Variants in GPC5 observed in about 807,000 individuals in gnomAD.
The protein encoded by GPC5 is glypican 5.
In GPC5, 47 loss-of-function variants were observed where a neutral mutation model predicts 53.9. That is an observed-to-expected ratio of 0.87 (90% CI 0.69 to 1.11). The LOEUF (loss-of-function observed/expected upper bound fraction) is 1.11. Ranked by LOEUF, GPC5 falls within the 50% of genes most tolerant of loss-of-function variation. The pLI, the probability that GPC5 is intolerant of heterozygous loss-of-function variation, is 0.00. For synonymous variants in GPC5, 286 were observed against 263.3 expected (o/e 1.09, Z -0.84); for missense variants, 748 against 713.1 (o/e 1.05, Z -0.56).
chr13:91,694,963 G>T (rs957277287), intron 3 of GPC5, among the ~76,000 whole-genome samples: 8 of 152,146 alleles, frequency 5.3e-5, no homozygotes, highest in Non-Finnish European at 1.5e-5. Context: ...ATGACTGATA[G>T]AATCTGAAAA....
chr13:92,378,721 T>C (rs1248408622), intron 7 of GPC5, among the ~76,000 whole-genome samples: 1 of 152,228 alleles, frequency 6.6e-6, no homozygotes, highest in Admixed American at 6.5e-5. Context: ...TTCATTACAA[T>C]TAAAACATAA....
At chr13:92,049,223 C>CATAGGTATTAAATATATCTA (rs2041007751) in intron 6 of GPC5, among the ~76,000 whole-genome samples, 1 of 152,122 alleles carries the variant, frequency 6.6e-6, no homozygotes, top group Non-Finnish European at 1.5e-5. Context: ...ATACCTAATA[C>CATAGGTATTAAATATATCTA]ATAGCTGATT....
At chr13:92,750,577 C>A (rs1049836845) in intron 7 of GPC5, among the ~76,000 whole-genome samples, 3 of 152,094 alleles carry the variant, frequency 2.0e-5, no homozygotes, top group Non-Finnish European at 2.9e-5. Flanking sequence ...AGGAAATTGT[C>A]CTTATGAATT....
intron 6 of GPC5, among the ~76,000 whole-genome samples, chr13:92,031,873 TAACA>T (rs1451587736): frequency 1.2e-5 from 1 of 82,174 alleles, no homozygotes; most frequent in African/African-American, 4.6e-5. Context: ...ATATTATATA[TAACA>T]TATATTTTAT....
intron 1 of GPC5, among the ~76,000 whole-genome samples, chr13:91,416,861 T>C (rs1484323115): frequency 1.3e-5 from 2 of 152,232 alleles, no homozygotes; most frequent in Non-Finnish European, 2.9e-5. Context: ...TTGATGGACA[T>C]TTGGGTTGGT....
At chr13:91,551,483 A>C (rs138169742) in intron 2 of GPC5, among the ~76,000 whole-genome samples, 51 of 152,160 alleles carry the variant, frequency 3.4e-4, no homozygotes, top group Non-Finnish European at 6.6e-4. Context: ...ATATGTCATC[A>C]AAGTGACAAT....
chr13:91,662,359 AT>A (rs1483471505), intron 2 of GPC5, among the ~76,000 whole-genome samples: 2 of 152,234 alleles, frequency 1.3e-5, no homozygotes, highest in Non-Finnish European at 2.9e-5. Flanking sequence ...TGATTTGGCA[AT>A]CAAATGGAAG....
intron 7 of GPC5, among the ~76,000 whole-genome samples, chr13:92,343,086 A>G (rs1344992863): frequency 6.6e-6 from 1 of 152,214 alleles, no homozygotes; most frequent in Non-Finnish European, 1.5e-5. Flanking sequence ...GTTTGCAACA[A>G]TAATTTGTTT....
At chr13:91,931,504 A>AT (rs2039821520) in intron 6 of GPC5, among the ~76,000 whole-genome samples, 1 of 152,014 alleles carries the variant, frequency 6.6e-6, no homozygotes, top group African/African-American at 2.4e-5. Flanking sequence ...CCTTGTTCAC[A>AT]TGGAATTTCT....
chr13:92,136,697 AT>A, intron 6 of GPC5, among the ~76,000 whole-genome samples: 1 of 151,306 alleles, frequency 6.6e-6, no homozygotes, highest in East Asian at 2.0e-4. Context: ...ATCTGCTCTC[AT>A]GTTTGGAGAT....
At chr13:91,752,951 A>G (rs1007702554) in intron 4 of GPC5, among the ~76,000 whole-genome samples, 1 of 152,228 alleles carries the variant, frequency 6.6e-6, no homozygotes, top group African/African-American at 2.4e-5. Flanking sequence ...ATTTGAAAGT[A>G]GCATTCTGTT....
chr13:92,118,846 A>C (rs1566443263), intron 6 of GPC5, among the ~76,000 whole-genome samples: 1 of 152,198 alleles, frequency 6.6e-6, no homozygotes, highest in Non-Finnish European at 1.5e-5. Context: ...CTATACTCAA[A>C]TATTTTTAAA....
At chr13:92,159,890 C>G (rs1348543212) in intron 7 of GPC5, among the ~76,000 whole-genome samples, 1 of 150,336 alleles carries the variant, frequency 6.7e-6, no homozygotes, top group Non-Finnish European at 1.5e-5. Context: ...GAGTGAGCCA[C>G]CGAGCCCGGT....
intron 7 of GPC5, among the ~76,000 whole-genome samples, chr13:92,692,754 A>ATTTTTTTTTTTTTTTTCTTTT (rs1887444166): frequency 1.2e-5 from 1 of 81,050 alleles, no homozygotes; most frequent in African/African-American, 4.8e-5. Context: ...AATATCGGCT[A>ATTTTTTTTTTTTTTTTCTTTT]TTTTTTTTTT....
chr13:92,028,202 G>A (rs2040815232), intron 6 of GPC5, among the ~76,000 whole-genome samples: 1 of 152,030 alleles, frequency 6.6e-6, no homozygotes, highest in Non-Finnish European at 1.5e-5. Context: ...TTGCACGGGA[G>A]GGGGAATCTT....
chr13:92,331,741 T>C (rs1377057851), intron 7 of GPC5, among the ~76,000 whole-genome samples: 1 of 152,026 alleles, frequency 6.6e-6, no homozygotes, highest in African/African-American at 2.4e-5. Context: ...TCATGTTTTA[T>C]ATCAGCACAG....
intron 7 of GPC5, among the ~76,000 whole-genome samples, chr13:92,338,382 A>C (rs1417299165): frequency 6.6e-6 from 1 of 152,136 alleles, no homozygotes; most frequent in African/African-American, 2.4e-5. Flanking sequence ...GTTTCTTACA[A>C]AGTTAAATAT....
At chr13:91,698,291 A>C (rs1287173180) in intron 3 of GPC5, among the ~76,000 whole-genome samples, 1 of 152,214 alleles carries the variant, frequency 6.6e-6, no homozygotes, top group Non-Finnish European at 1.5e-5. Context: ...CTTTAGAATT[A>C]CTATATAATT....
intron 7 of GPC5, among the ~76,000 whole-genome samples, chr13:92,788,393 A>G (rs968767984): frequency 2.6e-5 from 4 of 152,212 alleles, no homozygotes; most frequent in African/African-American, 7.2e-5. Flanking sequence ...TGACCATATT[A>G]TAGGTCAAAA....
Sources: allele counts gnomAD v4.1 joint callset (sites outside exome capture counted in the v4.1 genomes callset), GRCh38; gene constraint gnomAD v4.1.1; transcripts MANE v1.5; gene names NCBI Gene and HGNC (gene_info 2026-07-23, HGNC 2026-07-21).